Variants in AGBL1 observed in about 807,000 individuals in gnomAD.
The protein encoded by AGBL1 is AGBL carboxypeptidase 1, also known as cytosolic carboxypeptidase 4.
AGBL1 carries 130 observed loss-of-function variants against 118.9 expected under a neutral mutation model. That is an observed-to-expected ratio of 1.09 (90% CI 0.95 to 1.26). The LOEUF is 1.26. Among genes scored for constraint, AGBL1 ranks in the 50% most tolerant of loss-of-function variants. The probability of loss-of-function intolerance (pLI) is 0.00; values close to 1 mark genes in which losing one functional copy is unlikely to be tolerated. For missense variants in AGBL1, 1,584 were observed against 1,298.1 expected (o/e 1.22, Z -3.38); for synonymous variants, 555 against 478.9 (o/e 1.16, Z -2.08).
At chr15:86,710,889 A>G (rs1291332792) in intron 22 of AGBL1, among the ~76,000 whole-genome samples, 1 of 152,112 alleles carries the variant, frequency 6.6e-6, no homozygotes, top group East Asian at 1.9e-4. Context: ...AGTCTTTGAA[A>G]CCTCAAATTT....
At chr15:86,497,561 C>G (rs549605592) in intron 18 of AGBL1, among the ~76,000 whole-genome samples, 5 of 151,942 alleles carry the variant, frequency 3.3e-5, no homozygotes, top group Non-Finnish European at 5.9e-5. Flanking sequence ...GGACCTCACC[C>G]TTCCCTCAGC....
intron 22 of AGBL1, among the ~76,000 whole-genome samples, chr15:86,817,575 G>GAC (rs61414348): frequency 0.012 from 1,583 of 130,732 alleles, 34 homozygotes; most frequent in Middle Eastern, 0.049. Flanking sequence ...GAAAGAGACA[G>GAC]ACACACACAC....
At chr15:86,781,515 A>AT (rs2078336238) in intron 22 of AGBL1, among the ~76,000 whole-genome samples, 1 of 152,168 alleles carries the variant, frequency 6.6e-6, no homozygotes, top group Non-Finnish European at 1.5e-5. Context: ...CATTATGAGG[A>AT]TTTTTAGGAC....
intron 22 of AGBL1, among the ~76,000 whole-genome samples, chr15:86,758,628 A>T (rs952948162): frequency 1.3e-5 from 2 of 152,032 alleles, no homozygotes; most frequent in East Asian, 3.9e-4. Flanking sequence ...CTAAATTGCC[A>T]TCTGAATTGT....
intron 23 of AGBL1, among the ~76,000 whole-genome samples, chr15:86,921,843 T>C (rs2080484730): frequency 6.6e-6 from 1 of 152,154 alleles, no homozygotes; most frequent in Non-Finnish European, 1.5e-5. Context: ...TTCCCCAGAC[T>C]GTCCGCTCTC....
At chr15:86,417,512 G>A (rs1411088250) in intron 18 of AGBL1, among the ~76,000 whole-genome samples, 1 of 152,180 alleles carries the variant, frequency 6.6e-6, no homozygotes, top group Non-Finnish European at 1.5e-5. Context: ...ACATTGAACA[G>A]AGCAAGCTGT....
At chr15:86,675,510 A>G (rs1204965591) in intron 22 of AGBL1, among the ~76,000 whole-genome samples, 1 of 152,104 alleles carries the variant, frequency 6.6e-6, no homozygotes. Flanking sequence ...AGACTATAGA[A>G]ACTTAAGTAA....
At chr15:86,930,752 G>C (rs1177687143) in intron 23 of AGBL1, among the ~76,000 whole-genome samples, 1 of 152,024 alleles carries the variant, frequency 6.6e-6, no homozygotes, top group East Asian at 1.9e-4. Context: ...CCCTCTTAGG[G>C]GCCTGCCAGC....
intron 21 of AGBL1, among the ~76,000 whole-genome samples, chr15:86,591,352 A>G (rs978672642): frequency 7.9e-5 from 12 of 152,168 alleles, no homozygotes; most frequent in African/African-American, 2.2e-4. Flanking sequence ...TTCTGATGCT[A>G]TCTACCTACA....
At position 86,410,842 on chromosome 15, in the gene AGBL1, A is replaced by ATATATATG. The variant is rs36174307; in HGVS notation, c.2555+13296_2555+13297insTATATATG. Among the ~76,000 whole-genome samples, 135 of 74,630 alleles carry ATATATATG rather than the reference A, an allele frequency of 1.8e-3. 2 individuals are homozygous for ATATATATG. The highest frequency in any genetic ancestry group is 5.1e-3 in the East Asian group (8 of 1,570). 49.0% of individuals were successfully genotyped at this position (74,630 alleles called of 152,430 possible). A position where few individuals can be genotyped will look rare whatever the true frequency, so the allele number is the denominator to read the frequency against. ...TATATATATATATATATATATATAT[A>ATATATATG]ATATACTATTTTATATATAAAATAT... On this transcript the variant is annotated intron_variant, in intron 18 of 22. Transcript: ENST00000614907.
chr15:86,759,379 C>G (rs941107480), intron 22 of AGBL1, among the ~76,000 whole-genome samples: 4 of 152,026 alleles, frequency 2.6e-5, no homozygotes, highest in Non-Finnish European at 5.9e-5. Flanking sequence ...AGTCTGTTTT[C>G]TCACTTGTAT....
intron 1 of AGBL1, among the ~76,000 whole-genome samples, chr15:86,124,390 A>T (rs761409429): frequency 1.8e-4 from 27 of 152,000 alleles, no homozygotes; most frequent in Admixed American, 3.3e-4. Context: ...AATACCAAAA[A>T]AATCAATAAT....
At chr15:86,754,330 C>T (rs1197560765) in intron 22 of AGBL1, among the ~76,000 whole-genome samples, 2 of 152,040 alleles carry the variant, frequency 1.3e-5, no homozygotes, top group Admixed American at 1.3e-4. Flanking sequence ...GGGCAGGTGC[C>T]ATGAGCAACT....
chr15:86,682,325 G>A (rs1197305366), intron 22 of AGBL1, among the ~76,000 whole-genome samples: 4 of 151,938 alleles, frequency 2.6e-5, no homozygotes, highest in Non-Finnish European at 5.9e-5. Flanking sequence ...GAAAACAATA[G>A]CAAAAAACAA....
intron 21 of AGBL1, among the ~76,000 whole-genome samples, chr15:86,635,928 C>T (rs1172847746): frequency 6.6e-6 from 1 of 152,100 alleles, no homozygotes; most frequent in Admixed American, 6.5e-5. Context: ...TGAGTCAGCA[C>T]AGTTGGAGAT....
intron 22 of AGBL1, among the ~76,000 whole-genome samples, chr15:86,841,372 A>G (rs1443011408): frequency 3.3e-5 from 5 of 152,332 alleles, no homozygotes; most frequent in African/African-American, 9.6e-5. Flanking sequence ...GCACAATTCT[A>G]TTTGGAAAAA....
At chr15:86,452,223 A>G (rs971218661) in intron 18 of AGBL1, among the ~76,000 whole-genome samples, 1 of 152,158 alleles carries the variant, frequency 6.6e-6, no homozygotes, top group Non-Finnish European at 1.5e-5. Flanking sequence ...TGAAAAACTC[A>G]CAGGTCTCCA....
chr15:86,443,167 C>T (rs899951769), intron 18 of AGBL1, among the ~76,000 whole-genome samples: 5 of 152,194 alleles, frequency 3.3e-5, no homozygotes, highest in Admixed American at 1.3e-4. Flanking sequence ...CCCTGTGGCC[C>T]TTCTGCAATG....
At chr15:86,904,661 T>C (rs1596616124) in intron 22 of AGBL1, among the ~76,000 whole-genome samples, 1 of 148,810 alleles carries the variant, frequency 6.7e-6, no homozygotes, top group East Asian at 1.9e-4. Context: ...TGTTATTATA[T>C]ATAAATATAT....
Sources: allele counts gnomAD v4.1 joint callset (sites outside exome capture counted in the v4.1 genomes callset), GRCh38; gene constraint gnomAD v4.1.1; transcripts MANE v1.5; gene names NCBI Gene and HGNC (gene_info 2026-07-23, HGNC 2026-07-21).